Variants in XKR9 observed in about 807,000 individuals in gnomAD.
XKR9 encodes XK related 9, also known as XK-related protein 9.
In XKR9, 32 loss-of-function variants were observed where a neutral mutation model predicts 32.0. The ratio of observed to expected loss-of-function variants is 1.00; its 90% CI spans 0.76 to 1.34. XKR9 has a LOEUF of 1.34. Ranked by LOEUF, XKR9 falls within the 40% of genes most tolerant of loss-of-function variation. XKR9 has a pLI of 0.00. For synonymous variants in XKR9, 168 were observed against 143.4 expected (o/e 1.17, Z -1.22); for missense variants, 546 against 429.7 (o/e 1.27, Z -2.39).
the XKR9 span, among the ~76,000 whole-genome samples, chr8:70,813,502 G>A: frequency 6.6e-6 from 1 of 152,048 alleles, no homozygotes; most frequent in Non-Finnish European, 1.5e-5. Flanking sequence ...GAGTGAACAG[G>A]CAACCTACAA....
downstream of XKR9, among the ~76,000 whole-genome samples, chr8:70,793,782 G>A (rs768144258): frequency 6.6e-5 from 10 of 151,810 alleles, no homozygotes; most frequent in Admixed American, 3.3e-4. Flanking sequence ...AAATTGGGAA[G>A]TGTGAGTTCT....
the XKR9 span, among the ~76,000 whole-genome samples, chr8:71,035,294 A>C: frequency 1.1e-4 from 16 of 152,306 alleles, no homozygotes; most frequent in East Asian, 7.7e-4. Flanking sequence ...TAGAATACCA[A>C]TGGATTAACT....
At chr8:70,983,740 C>A in the XKR9 span, among the ~76,000 whole-genome samples, 3 of 151,838 alleles carry the variant, frequency 2.0e-5, no homozygotes, top group Non-Finnish European at 2.9e-5. Flanking sequence ...AAGATCGCAC[C>A]ATCGCAATCT....
chr8:70,727,496 A>G (rs1170748959), intron 4 of XKR9, among the ~76,000 whole-genome samples: 2 of 151,842 alleles, frequency 1.3e-5, no homozygotes, highest in Non-Finnish European at 2.9e-5. Context: ...CGCCTCCCGG[A>G]TTCAGTCGAT....
the XKR9 span, among the ~76,000 whole-genome samples, chr8:70,866,889 T>C: frequency 6.6e-6 from 1 of 152,178 alleles, no homozygotes; most frequent in Non-Finnish European, 1.5e-5. Flanking sequence ...CCTTACAACA[T>C]CTCTGTAATG....
chr8:70,855,384 G>A, the XKR9 span, among the ~76,000 whole-genome samples: 4 of 152,120 alleles, frequency 2.6e-5, no homozygotes, highest in African/African-American at 9.7e-5. Context: ...ATCAGTGATG[G>A]AAGACGAAAT....
At chr8:70,731,602 A>G (rs780452510) in intron 4 of XKR9, among the ~76,000 whole-genome samples, 1 of 152,206 alleles carries the variant, frequency 6.6e-6, no homozygotes, top group East Asian at 1.9e-4. Flanking sequence ...TCAGCACCCA[A>G]TATCAACCTG....
At chr8:70,911,313 A>T in the XKR9 span, among the ~76,000 whole-genome samples, 1 of 152,204 alleles carries the variant, frequency 6.6e-6, no homozygotes, top group Non-Finnish European at 1.5e-5. Context: ...CATTTTCAAC[A>T]TCTTGCTTAT....
At chr8:71,060,402 C>G in the XKR9 span, among the ~76,000 whole-genome samples, 1 of 152,316 alleles carries the variant, frequency 6.6e-6, no homozygotes, top group African/African-American at 2.4e-5. Context: ...CCTCCAGGTG[C>G]GGGTGTCCTC....
chr8:70,969,821 G>A, the XKR9 span, among the ~76,000 whole-genome samples: 2 of 152,132 alleles, frequency 1.3e-5, no homozygotes, highest in African/African-American at 4.8e-5. Flanking sequence ...GTTCTTTAGT[G>A]GTGATTTCTG....
At chr8:70,917,853 C>G in the XKR9 span, among the ~76,000 whole-genome samples, 2 of 152,168 alleles carry the variant, frequency 1.3e-5, no homozygotes, top group African/African-American at 4.8e-5. Flanking sequence ...TTTCATCATT[C>G]TCTTCTTCCT....
At chr8:70,804,044 G>A in the XKR9 span, among the ~76,000 whole-genome samples, 3 of 152,352 alleles carry the variant, frequency 2.0e-5, no homozygotes, top group East Asian at 3.9e-4. Flanking sequence ...CTGCTCTATG[G>A]GCTACAAGCT....
the XKR9 span, among the ~76,000 whole-genome samples, chr8:70,846,376 C>T: frequency 6.6e-6 from 1 of 151,666 alleles, no homozygotes; most frequent in Non-Finnish European, 1.5e-5. Context: ...AAACACAAGG[C>T]TAGAGAAAAC....
intron 3 of XKR9, among the ~76,000 whole-genome samples, chr8:70,692,476 A>G (rs568590289): frequency 6.6e-6 from 1 of 152,044 alleles, no homozygotes; most frequent in African/African-American, 2.4e-5. Context: ...GTGGAGAGAG[A>G]GGGCATCCTT....
chr8:70,693,976 G>A (rs1315160565), intron 3 of XKR9, among the ~76,000 whole-genome samples: 1 of 152,196 alleles, frequency 6.6e-6, no homozygotes, highest in Non-Finnish European at 1.5e-5. Context: ...CTGGCAGGGG[G>A]TGGTTGGAGG....
At chr8:71,024,407 A>G in the XKR9 span, among the ~76,000 whole-genome samples, 7 of 152,064 alleles carry the variant, frequency 4.6e-5, no homozygotes, top group Non-Finnish European at 8.8e-5. Flanking sequence ...ATACCACTGC[A>G]GCTCTCTGGG....
At chr8:70,702,465 C>T (rs148774973) in intron 3 of XKR9, among the ~76,000 whole-genome samples, 2 of 152,102 alleles carry the variant, frequency 1.3e-5, no homozygotes, top group African/African-American at 4.8e-5. Context: ...GTTAAATTAT[C>T]AATGTCCTTA....
At chr8:70,856,926 G>A in the XKR9 span, among the ~76,000 whole-genome samples, 2 of 152,048 alleles carry the variant, frequency 1.3e-5, no homozygotes, top group Non-Finnish European at 2.9e-5. Context: ...TGAAACCAAC[G>A]ACAACAAAGA....
At chr8:70,942,693 A>G in the XKR9 span, among the ~76,000 whole-genome samples, 1 of 152,238 alleles carries the variant, frequency 6.6e-6, no homozygotes, top group East Asian at 1.9e-4. Context: ...TCTAAAATTC[A>G]GTTTTCAGGT....
Sources: gnomAD v4.1 joint callset for allele counts (sites outside exome capture counted in the v4.1 genomes callset) on GRCh38, gnomAD v4.1.1 for gene constraint, MANE v1.5 for transcripts, NCBI Gene and HGNC (gene_info 2026-07-23, HGNC 2026-07-21) for gene names.